The following IRX4 variants were observed in gnomAD, a reference collection of about 807,000 sequenced individuals.
IRX4 encodes iroquois-class homeodomain protein IRX-4.
Under a neutral mutation model 32.0 loss-of-function variants are expected in IRX4, and 22 were observed. The ratio of observed to expected loss-of-function variants is 0.69; its 90% CI spans 0.49 to 0.98. IRX4 has a LOEUF of 0.98. Among genes scored for constraint, IRX4 ranks in the 50% least tolerant of loss-of-function variants. IRX4 has a pLI of 0.00. For synonymous variants in IRX4, 379 were observed against 351.7 expected, an observed-to-expected ratio of 1.08 and a Z score of -0.87; for missense variants, 840 against 744.2, an observed-to-expected ratio of 1.13 and a Z score of -1.50.
In IRX4 at chr5:1,882,697, C is replaced by A. The variant is rs1735498303; in HGVS notation, c.-50G>T. On this transcript the variant is annotated 5_prime_UTR_variant, in exon 1 of 5. Transcript: ENST00000231357. ...GGCGGGGCCTGCAGGGTTCTGCGCG[C>A]TGGGGCCGGCGTGGCGCGGCCACTG... 3.3e-6 allele frequency: 4 copies of A among 1,228,012 alleles called. No individual in the cohort carries two copies. Among genetic ancestry groups the A allele is most frequent in the Non-Finnish European group, 4.2e-6 (4 of 944,532 alleles). The allele number at this position is 1,228,012 out of a possible 1,614,324, so 76.1% of individuals were successfully genotyped here.
intron 2 of IRX4, among the ~76,000 whole-genome samples, chr5:1,881,410 A>G: frequency 6.7e-6 from 1 of 148,298 alleles, no homozygotes; most frequent in Middle Eastern, 3.3e-3. Context: ...GGGAGATAGG[A>G]AGGATGAGTC....
At position 1,880,958 on chromosome 5, in the gene IRX4, AG is replaced by A. The variant is rs1306801782; in HGVS notation, c.298-125del. 6.6e-6 allele frequency: 5 copies of A among 757,714 alleles called. No individual in the cohort carries two copies. In the Admixed American group the frequency reaches 9.7e-5, roughly 15 times the overall value. The allele number at this position is 757,714 out of a possible 1,614,324, so 46.9% of individuals were successfully genotyped here. ...TTCCTGGGCAGCCCTACGCCCCGGC[AG>A]GAAGGAGCTGATTTCCCGCTTGCTT... On this transcript the variant is annotated intron_variant, in intron 2 of 4. Coordinates refer to ENST00000231357, the MANE Select transcript of IRX4 (RefSeq NM_016358.3).
Position 1,879,795 on chromosome 5 carries a change from C to T in IRX4, c.445G>A (p.Ala149Thr), listed in dbSNP as rs200961337. 92 of 1,613,958 alleles carry T rather than the reference C, an allele frequency of 5.7e-5. No homozygotes were observed. The highest frequency in any genetic ancestry group is 2.8e-5 in the Non-Finnish European group (33 of 1,180,040). The change falls in exon 4 of 5, where the codon GCC becomes ACC. Residue 149 changes from alanine (A) to threonine (T), a missense_variant. Around this residue, in one of 3 missense-constraint regions of IRX4, gnomAD observed 241 missense variants for 220.8 expected, o/e 1.09. Transcript: ENST00000231357. The stretch of plus-strand genomic sequence containing the variant: ...AGCGTGCTGGTGGTCTCGCGCGTGG[C>T]GTTCTTGCGCCGCGTGCCGCTGTCC... ...TMDSGTRRKNATRETTSTLKA... is the reference protein window; with the variant it reads ...TMDSGTRRKNTTRETTSTLKA...
Position 1,879,715 on chromosome 5 carries a change from C to T in IRX4, c.525G>A (p.Lys175=), listed in dbSNP as rs550312388. 31 of 1,614,240 alleles carry T rather than the reference C, an allele frequency of 1.9e-5. 1 individual carries two copies. In the South Asian group the frequency reaches 2.7e-4, roughly 14 times the overall value. The change falls in exon 4 of 5, where the codon AAG becomes AAA. Residue 175 remains lysine (K), a synonymous_variant. Coordinates refer to ENST00000231357, the MANE Select transcript of IRX4 (RefSeq NM_016358.3). ...RKNPYPTKGE[K]IMLAIITKMT... ...TCTTGGTGATGATGGCCAGCATGAT[C>T]TTCTCGCCCTTGGTGGGGTAGGGGT...
intron 2 of IRX4, chr5:1,881,133 C>T: frequency 4.7e-6 from 2 of 425,640 alleles, no homozygotes; most frequent in African/African-American, 2.3e-5. Flanking sequence ...GGAGGGAAGC[C>T]AGAAAGAACT....
intron 1 of IRX4, 81 bp downstream of exon 1, chr5:1,882,522 G>A (rs1735488049): frequency 2.4e-6 from 3 of 1,253,022 alleles, no homozygotes; most frequent in East Asian, 5.6e-5. Flanking sequence ...GTCGTAGGTC[G>A]GACACTCCCC....
Position 1,881,877 on chromosome 5 carries a change from G to C in IRX4, c.228C>G (p.Pro76=). Residue 76 remains proline, a synonymous_variant, in exon 2 of 5, where the codon CCC becomes CCG. Coordinates refer to ENST00000231357, the MANE Select transcript of IRX4 (RefSeq NM_016358.3). The part of the protein sequence containing the change: ...SAAALGVYGG[P]YGGSQGYGNY... Reference sequence around the variant, plus strand: ...TGCCATAGCCCTGCGATCCGCCATAGGGACCCCCATAGACGCCCAGCGCCG... The same window carrying C: ...TGCCATAGCCCTGCGATCCGCCATACGGACCCCCATAGACGCCCAGCGCCG... The C allele has an allele frequency of 6.3e-7, 1 of 1,585,670 alleles. No homozygotes were observed. The highest frequency in any genetic ancestry group is 8.6e-7 in the Non-Finnish European group (1 of 1,166,476).
chr5:1,881,158 G>A, intron 2 of IRX4: 1 of 407,204 alleles, frequency 2.5e-6, no homozygotes, highest in Non-Finnish European at 4.6e-6. Context: ...GCCGGCAATA[G>A]GGGGCAGCTG....
Position 1,878,585 on chromosome 5 carries a change from G to A in IRX4, c.944C>T (p.Ala315Val). 6.4e-7 allele frequency: 1 copy of A among 1,551,176 alleles called. No homozygotes were observed. Among genetic ancestry groups the A allele is most frequent in the Non-Finnish European group, 8.7e-7 (1 of 1,148,624 alleles). Reference protein sequence around the residue: ...RMSLAAGGGAALDEDLERARS... With the variant: ...RMSLAAGGGAVLDEDLERARS... ...GGCCCTCTCCAGGTCCTCGTCCAGA[G>A]CAGCTCCGCCACCCGCGGCCAGAGA... The change falls in exon 5 of 5, where the codon GCT becomes GTT. Residue 315 changes from alanine (A) to valine (V), a missense_variant. Ala to Val is a moderately conservative substitution (Grantham distance 64, BLOSUM62 0). Transcript: ENST00000231357.
At chr5:1,882,974 G>T (rs1442811839), upstream of IRX4, among the ~76,000 whole-genome samples, 3 of 150,400 alleles carry the variant, frequency 2.0e-5, no homozygotes, top group Non-Finnish European at 4.4e-5. Flanking sequence ...CAAGTCAGAT[G>T]TGCGCGGCTT....
In IRX4 at chr5:1,878,594, C is replaced by A. The variant is rs774805897; in HGVS notation, c.935G>T (p.Gly312Val). 40 of 1,554,386 alleles carry A rather than the reference C, an allele frequency of 2.6e-5. No homozygotes were observed. The African/African-American group carries it at 5.1e-4, about 20-fold the overall frequency. ...GALRMSLAAG[G>V]GAALDEDLER... Reference sequence around the variant, plus strand: ...CAGGTCCTCGTCCAGAGCAGCTCCGCCACCCGCGGCCAGAGACATCCGGAG... The same window carrying A: ...CAGGTCCTCGTCCAGAGCAGCTCCGACACCCGCGGCCAGAGACATCCGGAG... The change falls in exon 5 of 5, where the codon GGC (glycine) becomes GTC (valine). Residue 312 changes from glycine to valine, a missense_variant. Physicochemically the swap from Gly to Val is moderately radical, Grantham distance 109 (BLOSUM62 -3). This residue lies in a region of IRX4 where 585 missense variants were observed against 488.0 expected (regional missense o/e 1.20). Coordinates refer to ENST00000231357, the MANE Select transcript of IRX4 (RefSeq NM_016358.3).
At position 1,880,258 on chromosome 5, in the gene IRX4, C is replaced by T. The variant is rs551057319; in HGVS notation, c.408-426G>A. On this transcript the variant is annotated intron_variant, in intron 3 of 4. Coordinates refer to ENST00000231357, the MANE Select transcript of IRX4 (RefSeq NM_016358.3). ...AAGCACCCAAGGGGCCTAAGTGTAC[C>T]GTCTTTGGATAAATTTGTAGTGGTT... 45 of 774,726 alleles carry T rather than the reference C, an allele frequency of 5.8e-5. No homozygotes were observed. The African/African-American group carries it at 5.9e-4, about 10-fold the overall frequency. The allele number at this position is 774,726 out of a possible 1,614,324, so 48.0% of individuals were successfully genotyped here.
intron 3 of IRX4, 82 bp downstream of exon 3, chr5:1,880,643 G>T (rs903058230): frequency 1.1e-6 from 1 of 910,238 alleles, no homozygotes; most frequent in Non-Finnish European, 1.8e-6. Flanking sequence ...CAGAAAGGGG[G>T]CATGATGGTG....
chr5:1,879,935 G>C, intron 3 of IRX4, 103 bp from the exon 4 acceptor site: 1 of 1,544,972 alleles, frequency 6.5e-7, no homozygotes, highest in Non-Finnish European at 8.7e-7. Context: ...GATGGGCTTT[G>C]CTTCCCCGTC....
At chr5:1,881,369 A>AG (rs1232230366) in intron 2 of IRX4, among the ~76,000 whole-genome samples, 2 of 41,404 alleles carry the variant, frequency 4.8e-5, no homozygotes, top group Non-Finnish European at 9.3e-5. Context: ...AGGAACAAGG[A>AG]GGGGGCGAAA....
chr5:1,879,550 G>GC lies in IRX4; in HGVS notation c.689dup (p.Glu231ArgfsTer28). ...GGGGCTCCTCCCGCGCCTCCTCCTC[G>GC]CCCCCCTCCTCCTCCTCGCCCTCCG... On this transcript the variant is annotated frameshift_variant, in exon 4 of 5. Transcript: ENST00000231357. LOFTEE classifies it low-confidence loss of function (END_TRUNC). 1 of 1,613,088 alleles carries GC rather than the reference G, an allele frequency of 6.2e-7. No homozygotes were observed. Among genetic ancestry groups the GC allele is most frequent in the Non-Finnish European group, 8.5e-7 (1 of 1,179,928 alleles).
intron 1 of IRX4, among the ~76,000 whole-genome samples, chr5:1,882,349 C>A (rs1735480164): frequency 6.6e-6 from 1 of 152,226 alleles, no homozygotes; most frequent in African/African-American, 2.4e-5. Flanking sequence ...TCCTAGGACT[C>A]CCCTGGGGCA....
rs755882161 is a variant in IRX4, at chr5:1,878,059, C to T, written c.1470G>A (p.Pro490=). 2 of 1,511,368 alleles carry T rather than the reference C, an allele frequency of 1.3e-6. No individual in the cohort carries two copies. Among genetic ancestry groups the T allele is most frequent in the Admixed American group, 4.1e-5 (2 of 48,934 alleles). 93.6% of individuals were successfully genotyped at this position (1,511,368 alleles called of 1,614,324 possible). Residue 490 remains proline, a synonymous_variant, in exon 5 of 5, where the codon CCG becomes CCA. Coordinates refer to ENST00000231357, the MANE Select transcript of IRX4 (RefSeq NM_016358.3). ...VLTAPLARAF[P]PAVPQDAPAA... ...CTGGGGCGTCCTGGGGCACGGCAGG[C>T]GGAAAGGCGCGGGCCAGGGGTGCAG...
intron 3 of IRX4, among the ~76,000 whole-genome samples, chr5:1,880,511 G>A (rs768505024): frequency 5.9e-5 from 9 of 152,238 alleles, no homozygotes; most frequent in Non-Finnish European, 1.2e-4. Flanking sequence ...GGGACGGGGA[G>A]ACTGGGGAGC....
Sources: gnomAD v4.1 joint callset for allele counts (sites outside exome capture counted in the v4.1 genomes callset) on GRCh38, gnomAD v4.1.1 for gene constraint, gnomAD v4.1.1 regional missense constraint, MANE v1.5 for transcripts, NCBI Gene and HGNC (gene_info 2026-07-23, HGNC 2026-07-21) for gene names.